Variants in PCDH15 observed in about 807,000 individuals in gnomAD.
PCDH15 encodes the protein protocadherin related 15.
A neutral mutation model predicts 178.5 loss-of-function variants in PCDH15; 129 were observed. That is an observed-to-expected ratio of 0.72 (90% CI 0.63 to 0.84). The LOEUF (loss-of-function observed/expected upper bound fraction) is 0.84, where lower values mean the gene tolerates loss of function less well. Ranked by LOEUF, PCDH15 falls within the 40% of genes least tolerant of loss-of-function variation. The pLI is 0.00. For missense variants in PCDH15, 2,230 were observed against 2,099.9 expected (o/e 1.06, Z -1.21); for synonymous variants, 800 against 732.0 (o/e 1.09, Z -1.50).
chr10:53,970,297 C>G (rs545279807), intron 21 of PCDH15, among the ~76,000 whole-genome samples: 1 of 152,238 alleles, frequency 6.6e-6, no homozygotes, highest in Admixed American at 6.5e-5. Flanking sequence ...ATCAATTCAA[C>G]AAGAAGAGCT....
chr10:53,966,543 A>G (rs2089040693), intron 21 of PCDH15, among the ~76,000 whole-genome samples: 1 of 152,078 alleles, frequency 6.6e-6, no homozygotes, highest in Admixed American at 6.6e-5. Context: ...TCTAATTCCT[A>G]ATATTATTTC....
intron 2 of PCDH15, among the ~76,000 whole-genome samples, chr10:55,530,435 C>A (rs1841424156): frequency 6.6e-6 from 1 of 151,822 alleles, no homozygotes; most frequent in African/African-American, 2.4e-5. Context: ...CAAATCTTTC[C>A]CTCTTGTGTA....
chr10:54,099,435 C>G (rs546995744), intron 15 of PCDH15, among the ~76,000 whole-genome samples: 7 of 137,818 alleles, frequency 5.1e-5, no homozygotes, highest in Admixed American at 4.9e-4. Context: ...GGAGGAGGAG[C>G]TTGCAGTGAG....
chr10:54,187,273 G>A (rs1443632283), intron 11 of PCDH15, among the ~76,000 whole-genome samples: 4 of 151,654 alleles, frequency 2.6e-5, no homozygotes, highest in African/African-American at 7.3e-5. Flanking sequence ...CCTTTCAACC[G>A]TAACCTCTGT....
chr10:54,571,645 C>G (rs2089860148), intron 2 of PCDH15, among the ~76,000 whole-genome samples: 1 of 152,070 alleles, frequency 6.6e-6, no homozygotes, highest in Non-Finnish European at 1.5e-5. Context: ...AAAATAAGCT[C>G]TTCAGAGGTT....
intron 13 of PCDH15, among the ~76,000 whole-genome samples, chr10:54,163,756 T>A (rs988038397): frequency 2.6e-5 from 4 of 152,148 alleles, no homozygotes; most frequent in African/African-American, 9.7e-5. Context: ...AACATTCTTT[T>A]TCAATAACTT....
At chr10:53,885,386 T>C (rs1308222443) in intron 26 of PCDH15, among the ~76,000 whole-genome samples, 3 of 150,620 alleles carry the variant, frequency 2.0e-5, no homozygotes, top group African/African-American at 7.5e-5. Flanking sequence ...CAAAAAACCT[T>C]CAATATGCCT....
At chr10:55,064,548 G>A (rs562116952) in intron 2 of PCDH15, among the ~76,000 whole-genome samples, 12 of 151,882 alleles carry the variant, frequency 7.9e-5, no homozygotes, top group Admixed American at 1.3e-4. Context: ...TAATTAATAA[G>A]TGTCTAGTTT....
intron 21 of PCDH15, among the ~76,000 whole-genome samples, chr10:53,980,035 A>G (rs1393667399): frequency 6.6e-6 from 1 of 152,136 alleles, no homozygotes. Context: ...CCTGGCCAAC[A>G]TGGTGAAACT....
At chr10:54,706,475 A>G (rs1054579654) in intron 1 of PCDH15, among the ~76,000 whole-genome samples, 1 of 152,178 alleles carries the variant, frequency 6.6e-6, no homozygotes, top group Non-Finnish European at 1.5e-5. Flanking sequence ...CTAGTAGATA[A>G]AATTCCTTAG....
chr10:55,507,115 C>G (rs551180732), intron 2 of PCDH15, among the ~76,000 whole-genome samples: 2 of 151,348 alleles, frequency 1.3e-5, no homozygotes, highest in Admixed American at 6.6e-5. Flanking sequence ...TGCATAAGAT[C>G]AAAGCCACAT....
chr10:54,254,885 T>A (rs2132157581), intron 8 of PCDH15, among the ~76,000 whole-genome samples: 1 of 149,494 alleles, frequency 6.7e-6, no homozygotes, highest in East Asian at 1.9e-4. Flanking sequence ...CTGCTAAACT[T>A]CTCAATTTGT....
chr10:54,822,349 AT>A (rs1953058231), intron 3 of PCDH15, among the ~76,000 whole-genome samples: 1 of 151,952 alleles, frequency 6.6e-6, no homozygotes, highest in Non-Finnish European at 1.5e-5. Flanking sequence ...CATGAGGTCA[AT>A]TTTTTTAGCT....
rs184197589 is a variant in PCDH15 at position 54,169,630 on chromosome 10, C to A, written c.1590+13814G>T. ...CCTCCTTTGCATACTCCTCTTGTAT[C>A]CCCCCACCTTAACCTACAAGTATAA... On this transcript the variant is annotated intron_variant, in intron 13 of 37. Coordinates refer to ENST00000644397, the MANE Select transcript of PCDH15 (RefSeq NM_001384140.1). Among the ~76,000 whole-genome samples the A allele has an allele frequency of 7.5e-3, 1,137 of 150,896 alleles. 20 individuals are homozygous for A. The highest frequency in any genetic ancestry group is 0.026 in the African/African-American group (1,057 of 40,992).
chr10:55,576,344 A>T (rs570999543), intron 2 of PCDH15, among the ~76,000 whole-genome samples: 63 of 152,282 alleles, frequency 4.1e-4, no homozygotes, highest in African/African-American at 1.4e-3. Flanking sequence ...CGCCCTTGTC[A>T]TCTTCACACT....
intron 1 of PCDH15, among the ~76,000 whole-genome samples, chr10:55,178,613 G>T (rs890061812): frequency 1.3e-5 from 2 of 152,062 alleles, no homozygotes; most frequent in African/African-American, 4.8e-5. Context: ...TAGATTCTTG[G>T]ATATATTATA....
intron 1 of PCDH15, among the ~76,000 whole-genome samples, chr10:54,731,940 A>C (rs1718793136): frequency 6.6e-6 from 1 of 151,296 alleles, no homozygotes; most frequent in African/African-American, 2.4e-5. Context: ...CAAAATACTA[A>C]GAATAATTTG....
intron 2 of PCDH15, among the ~76,000 whole-genome samples, chr10:55,544,135 C>CATATATATAT (rs776630410): frequency 6.2e-4 from 60 of 96,164 alleles, no homozygotes; most frequent in East Asian, 3.8e-3. Context: ...AAATCTTATA[C>CATATATATAT]ATACATATAT....
At chr10:53,883,320 T>C (rs1278984697) in intron 26 of PCDH15, among the ~76,000 whole-genome samples, 1 of 152,202 alleles carries the variant, frequency 6.6e-6, no homozygotes, top group Non-Finnish European at 1.5e-5. Context: ...GTTTTAACCA[T>C]TTTCTATTTT....
Sources: allele counts gnomAD v4.1 joint callset (sites outside exome capture counted in the v4.1 genomes callset), GRCh38; gene constraint gnomAD v4.1.1; transcripts MANE v1.5; gene names NCBI Gene and HGNC (gene_info 2026-07-23, HGNC 2026-07-21).